Variants in DLGAP4 observed in about 807,000 individuals in gnomAD.
The protein encoded by DLGAP4 is DLG associated protein 4.
In DLGAP4, 18 loss-of-function variants were observed where a neutral mutation model predicts 86.9. That is an observed-to-expected ratio of 0.21 (90% CI 0.14 to 0.31). The LOEUF is 0.31. Among genes scored for constraint, DLGAP4 ranks in the 10% least tolerant of loss-of-function variants. The probability of loss-of-function intolerance (pLI) is 1.00; values close to 1 mark genes in which losing one functional copy is unlikely to be tolerated. For missense variants in DLGAP4, 1,085 were observed against 1,362.6 expected, an observed-to-expected ratio of 0.80 and a Z score of 3.21; for synonymous variants, 548 against 574.3, an observed-to-expected ratio of 0.95 and a Z score of 0.65.
chr20:36,353,319 G>C (rs1010550489), intron 1 of DLGAP4, among the ~76,000 whole-genome samples: 1 of 152,186 alleles, frequency 6.6e-6, no homozygotes, highest in Non-Finnish European at 1.5e-5. Flanking sequence ...ATGACTGAGA[G>C]GGGGCGGCTC....
chr20:36,368,500 C>G (rs1465278160), intron 2 of DLGAP4, among the ~76,000 whole-genome samples: 2 of 152,230 alleles, frequency 1.3e-5, no homozygotes, highest in Non-Finnish European at 2.9e-5. Flanking sequence ...GTGGCGCCAG[C>G]CTTATTATGA....
At chr20:36,328,704 C>T (rs781885527) in intron 1 of DLGAP4, among the ~76,000 whole-genome samples, 25 of 151,994 alleles carry the variant, frequency 1.6e-4, no homozygotes, top group Admixed American at 2.6e-4. Flanking sequence ...TTTCGTCTCA[C>T]TGCAACCTCC....
At chr20:36,356,743 C>T (rs1555893870) in intron 1 of DLGAP4, among the ~76,000 whole-genome samples, 1 of 151,798 alleles carries the variant, frequency 6.6e-6, no homozygotes, top group African/African-American at 2.4e-5. Context: ...CTTTGCAGTG[C>T]CATATGGCTT....
At chr20:36,419,809 C>T (rs753730967) in intron 2 of DLGAP4, among the ~76,000 whole-genome samples, 7 of 152,226 alleles carry the variant, frequency 4.6e-5, no homozygotes, top group Non-Finnish European at 1.0e-4. Context: ...TCTTTCCTGA[C>T]CTAGCCTCAG....
chr20:36,516,776 T>G (rs2037063024), intron 10 of DLGAP4, among the ~76,000 whole-genome samples: 1 of 151,380 alleles, frequency 6.6e-6, no homozygotes, highest in South Asian at 2.1e-4. Flanking sequence ...TGCTGTTAGA[T>G]ATGAAGGAAA....
chr20:36,333,445 G>A (rs1450678621), intron 1 of DLGAP4, among the ~76,000 whole-genome samples: 4 of 151,994 alleles, frequency 2.6e-5, no homozygotes, highest in African/African-American at 4.8e-5. Context: ...GTGGATTCCC[G>A]TGCATGTTTC....
At chr20:36,367,828 G>T (rs1246726206) in intron 2 of DLGAP4, among the ~76,000 whole-genome samples, 1 of 152,150 alleles carries the variant, frequency 6.6e-6, no homozygotes, top group African/African-American at 2.4e-5. Context: ...GTCTGTCTGG[G>T]GGTGCAACCA....
At chr20:36,516,477 G>C (rs2037042182) in intron 10 of DLGAP4, among the ~76,000 whole-genome samples, 1 of 151,904 alleles carries the variant, frequency 6.6e-6, no homozygotes, top group Non-Finnish European at 1.5e-5. Context: ...ACCAGCCTGG[G>C]CAACATGGTG....
chr20:36,443,661 G>T (rs2033512766), intron 6 of DLGAP4, among the ~76,000 whole-genome samples: 1 of 151,998 alleles, frequency 6.6e-6, no homozygotes, highest in Admixed American at 6.6e-5. Context: ...GATGTGATGC[G>T]TTAACATACA....
In DLGAP4 at chr20:36,431,581, C is replaced by G. The variant is rs2033130751; in HGVS notation, c.-72-65C>G. ...CCCAGCCTTGCGATCTGGATCTGAC[C>G]TTCCCGGCACCCCTCCCCGACAATC... On this transcript the variant is annotated intron_variant, in intron 2 of 12. Transcript: ENST00000339266. The surrounding 1 kb of genome is among the most constrained non-coding windows in gnomAD (Gnocchi z 5.1). The G allele has an allele frequency of 3.9e-6, 4 of 1,012,720 alleles. No homozygotes were observed. The East Asian group carries it at 1.1e-4, about 27-fold the overall frequency. 62.7% of individuals were successfully genotyped at this position (1,012,720 alleles called of 1,614,324 possible).
intron 2 of DLGAP4, among the ~76,000 whole-genome samples, chr20:36,377,953 C>T (rs1486507518): frequency 6.6e-6 from 1 of 152,174 alleles, no homozygotes; most frequent in Non-Finnish European, 1.5e-5. Flanking sequence ...CAACGACTTC[C>T]GTCCACCCTG....
intron 7 of DLGAP4, chr20:36,492,765 C>T (rs970203780): frequency 2.0e-5 from 3 of 152,166 alleles, no homozygotes; most frequent in African/African-American, 7.2e-5. Flanking sequence ...GGGAGATATA[C>T]TCCCTTAAAC....
chr20:36,412,340 G>T (rs2032522998), intron 2 of DLGAP4, among the ~76,000 whole-genome samples: 1 of 152,254 alleles, frequency 6.6e-6, no homozygotes, highest in Non-Finnish European at 1.5e-5. Context: ...TCCCCTAAGA[G>T]GCATCTCCCA....
intron 5 of DLGAP4, among the ~76,000 whole-genome samples, chr20:36,441,850 A>T (rs1002435964): frequency 6.7e-6 from 1 of 148,588 alleles, no homozygotes; most frequent in African/African-American, 2.5e-5. Flanking sequence ...TCCCATCTCC[A>T]CCCCCGCCTG....
rs751922344 is a variant in DLGAP4 at position 36,439,758 on chromosome 20, C to A, written c.1246C>A (p.Leu416Met). ...CTGCTCCCCACTCCCCACCAGGAGT[C>A]TGGACCGCCTGGATTCAGTGGACAT... ...LGEQSNPRRS[L>M]DRLDSVDMLL... The change falls in exon 5 of 13, where the codon CTG becomes ATG. Residue 416 changes from leucine (L) to methionine (M), a missense_variant. By Grantham distance (15) the Leu-to-Met change is conservative. Transcript: ENST00000339266. The A allele has an allele frequency of 1.1e-5, 17 of 1,612,800 alleles. No homozygotes were observed. The African/African-American group carries it at 1.1e-4, about 10-fold the overall frequency.
rs957251468 is a variant in DLGAP4, at chr20:36,500,669, A to T, written c.2512+58A>T. ...GTAGAAGGTGTTGGCAGCTGGTTTCAGCTGGTGGCCAGCAGCTTCCGAACT... is the reference window on the plus strand; with the variant it reads ...GTAGAAGGTGTTGGCAGCTGGTTTCTGCTGGTGGCCAGCAGCTTCCGAACT... On this transcript the variant is annotated intron_variant, in intron 10 of 12. Coordinates refer to ENST00000339266, the MANE Select transcript of DLGAP4 (RefSeq NM_001365621.2). This position sits in a 1 kb window ranked among gnomAD's most constrained non-coding sequence, Gnocchi z 4.6. The T allele has an allele frequency of 7.2e-6, 10 of 1,384,636 alleles. No homozygotes were observed. The Admixed American group carries it at 2.6e-4, about 37-fold the overall frequency. 85.8% of individuals were successfully genotyped at this position (1,384,636 alleles called of 1,614,324 possible). A position where few individuals can be genotyped will look rare whatever the true frequency, so the allele number is the denominator to read the frequency against.
intron 7 of DLGAP4, among the ~76,000 whole-genome samples, chr20:36,494,423 T>G (rs1387854490): frequency 6.6e-6 from 1 of 152,236 alleles, no homozygotes; most frequent in Non-Finnish European, 1.5e-5. Context: ...TATTTTAAAT[T>G]AAATTTTATT....
At chr20:36,327,536 T>C (rs1424371001) in intron 1 of DLGAP4, among the ~76,000 whole-genome samples, 1 of 151,914 alleles carries the variant, frequency 6.6e-6, no homozygotes, top group Admixed American at 6.6e-5. Flanking sequence ...GGCCGAGGGA[T>C]ACCTGCATTC....
chr20:36,506,377 G>T lies in DLGAP4; in HGVS notation c.2512+5766G>T, dbSNP rs1225412517. ...CTTCCTGTCTACCTGGGAGGGAAGA[G>T]GTCTTTTATGATGTTTCTGGATAAC... is the stretch of plus-strand genomic sequence containing the variant. On this transcript the variant is annotated intron_variant, in intron 10 of 12. Coordinates refer to ENST00000339266, the MANE Select transcript of DLGAP4 (RefSeq NM_001365621.2). 3.3e-5 allele frequency among the ~76,000 whole-genome samples: 5 copies of T among 152,196 alleles called. No individual in the cohort carries two copies. The East Asian group carries it at 9.6e-4, about 29-fold the overall frequency.
Sources: gnomAD v4.1 joint callset for allele counts (sites outside exome capture counted in the v4.1 genomes callset) on GRCh38, gnomAD v4.1.1 for gene constraint, Gnocchi (gnomAD v3.1) non-coding constraint, MANE v1.5 for transcripts, NCBI Gene and HGNC (gene_info 2026-07-23, HGNC 2026-07-21) for gene names.